The following ZNF385B variants were observed in gnomAD, a reference collection of about 807,000 sequenced individuals.
The protein encoded by ZNF385B is zinc finger protein 385B.
In ZNF385B, 23 loss-of-function variants were observed where a neutral mutation model predicts 39.2. The observed-to-expected ratio is 0.59, with a 90% confidence interval of 0.42 to 0.83. The LOEUF is 0.83. Ranked by LOEUF, ZNF385B falls within the 40% of genes least tolerant of loss-of-function variation. The probability of loss-of-function intolerance (pLI) is 0.00; values close to 1 mark genes in which losing one functional copy is unlikely to be tolerated. For missense variants in ZNF385B, 552 were observed against 598.9 expected (o/e 0.92, Z 0.82); for synonymous variants, 205 against 222.6 (o/e 0.92, Z 0.70).
At chr2:179,446,797 T>C (rs772523653) in intron 6 of ZNF385B, 27 bp from the exon 7 acceptor site, 87 of 1,584,934 alleles carry the variant, frequency 5.5e-5, no homozygotes, top group Non-Finnish European at 6.7e-5. Context: ...GAGATCTTAT[T>C]GAAGCCTCAT....
chr2:179,825,489 C>G (rs1235638161), intron 1 of ZNF385B, among the ~76,000 whole-genome samples: 1 of 151,694 alleles, frequency 6.6e-6, no homozygotes, highest in Non-Finnish European at 1.5e-5. Context: ...CAATTCTTCT[C>G]CTTCTAAAGA....
chr2:179,588,175 G>A (rs1687245818), intron 3 of ZNF385B, among the ~76,000 whole-genome samples: 2 of 151,940 alleles, frequency 1.3e-5, no homozygotes, highest in Admixed American at 1.3e-4. Context: ...TGCAAGCTCC[G>A]CCTCCTGGGT....
intron 1 of ZNF385B, among the ~76,000 whole-genome samples, chr2:179,813,207 T>C (rs1706844869): frequency 1.3e-5 from 2 of 152,208 alleles, no homozygotes; most frequent in African/African-American, 2.4e-5. Flanking sequence ...CTTAGTCTAC[T>C]TGAAATTTAT....
intron 4 of ZNF385B, among the ~76,000 whole-genome samples, chr2:179,537,745 A>C (rs2059665709): frequency 7.2e-6 from 1 of 139,800 alleles, no homozygotes; most frequent in African/African-American, 2.9e-5. Flanking sequence ...TGTCTCAAAA[A>C]CAAACAAACA....
intron 3 of ZNF385B, among the ~76,000 whole-genome samples, chr2:179,768,455 A>C (rs541261940): frequency 7.2e-5 from 11 of 152,344 alleles, no homozygotes; most frequent in African/African-American, 2.6e-4. Context: ...CAACTGAGTA[A>C]AAAGTAGTTA....
chr2:179,512,919 C>T (rs960404668), intron 5 of ZNF385B, among the ~76,000 whole-genome samples: 3 of 152,128 alleles, frequency 2.0e-5, no homozygotes, highest in African/African-American at 7.2e-5. Context: ...TTTTGCTTTT[C>T]AACAGGGTAG....
intron 3 of ZNF385B, among the ~76,000 whole-genome samples, chr2:179,631,719 A>G (rs1316311256): frequency 6.6e-6 from 1 of 152,216 alleles, no homozygotes; most frequent in Non-Finnish European, 1.5e-5. Flanking sequence ...TAAAAAACAG[A>G]CTGGCAAATT....
At chr2:179,447,842 G>A (rs893767671) in intron 6 of ZNF385B, among the ~76,000 whole-genome samples, 1 of 152,176 alleles carries the variant, frequency 6.6e-6, no homozygotes, top group African/African-American at 2.4e-5. Context: ...GTTTCTGTGT[G>A]TATGTTACAA....
intron 4 of ZNF385B, among the ~76,000 whole-genome samples, chr2:179,533,116 G>A (rs1247258501): frequency 6.6e-6 from 1 of 152,122 alleles, no homozygotes. Context: ...TCTACATCTG[G>A]GTGTCACAAT....
chr2:179,535,168 T>C (rs2059486230), intron 4 of ZNF385B, among the ~76,000 whole-genome samples: 1 of 152,172 alleles, frequency 6.6e-6, no homozygotes, highest in Non-Finnish European at 1.5e-5. Flanking sequence ...ATCATAAGCC[T>C]GTGAAAAATA....
At chr2:179,472,065 T>C (rs1464972938) in intron 6 of ZNF385B, among the ~76,000 whole-genome samples, 1 of 152,242 alleles carries the variant, frequency 6.6e-6, no homozygotes, top group East Asian at 1.9e-4. Context: ...TACCTTGGTA[T>C]AGAATCCGGG....
intron 3 of ZNF385B, among the ~76,000 whole-genome samples, chr2:179,709,191 C>G (rs1057406297): frequency 2.6e-5 from 4 of 152,196 alleles, no homozygotes; most frequent in African/African-American, 7.2e-5. Context: ...CAGATCTCAG[C>G]GGATGAACCA....
At chr2:179,723,047 TCAGA>T (rs1481141670) in intron 3 of ZNF385B, among the ~76,000 whole-genome samples, 7 of 152,150 alleles carry the variant, frequency 4.6e-5, no homozygotes, top group South Asian at 2.1e-4. Flanking sequence ...TTTTAAAAAG[TCAGA>T]CAGTCTCAAG....
At chr2:179,629,244 C>T (rs989610846) in intron 3 of ZNF385B, among the ~76,000 whole-genome samples, 7 of 152,232 alleles carry the variant, frequency 4.6e-5, no homozygotes, top group Admixed American at 1.3e-4. Flanking sequence ...CAGAACAGGC[C>T]GAGCCCTCAC....
chr2:179,547,979 A>G (rs932713027), intron 3 of ZNF385B, among the ~76,000 whole-genome samples: 7 of 149,522 alleles, frequency 4.7e-5, no homozygotes, highest in Non-Finnish European at 1.0e-4. Context: ...AATTTTAGTT[A>G]TAGCTATTAT....
At chr2:179,548,040 A>G (rs910925458) in intron 3 of ZNF385B, among the ~76,000 whole-genome samples, 2 of 149,628 alleles carry the variant, frequency 1.3e-5, no homozygotes, top group African/African-American at 2.5e-5. Context: ...CTGTTGGTAC[A>G]TAGAAATGCT....
At chr2:179,484,342 G>C (rs892086063) in intron 5 of ZNF385B, among the ~76,000 whole-genome samples, 10 of 150,838 alleles carry the variant, frequency 6.6e-5, no homozygotes, top group Non-Finnish European at 8.9e-5. Context: ...AAAAGACTCT[G>C]AAAAAACATA....
chr2:179,634,105 C>G (rs1233858631), intron 3 of ZNF385B, among the ~76,000 whole-genome samples: 1 of 152,144 alleles, frequency 6.6e-6, no homozygotes, highest in African/African-American at 2.4e-5. Flanking sequence ...CATAAAAAAA[C>G]CTAGAAGATA....
intron 5 of ZNF385B, among the ~76,000 whole-genome samples, chr2:179,515,618 G>A (rs1430307252): frequency 6.6e-6 from 1 of 152,048 alleles, no homozygotes; most frequent in African/African-American, 2.4e-5. Flanking sequence ...ATTTATTATT[G>A]TGTCTATTCT....
Sources: allele counts gnomAD v4.1 joint callset (sites outside exome capture counted in the v4.1 genomes callset), GRCh38; gene constraint gnomAD v4.1.1; transcripts MANE v1.5; gene names NCBI Gene and HGNC (gene_info 2026-07-23, HGNC 2026-07-21).